Variants in ENO4 observed in about 807,000 individuals in gnomAD.
ENO4 encodes enolase 4.
A neutral mutation model predicts 63.2 loss-of-function variants in ENO4; 53 were observed. The observed-to-expected ratio is 0.84, with a 90% CI of 0.67 to 1.05. ENO4 has a LOEUF of 1.05. Among genes scored for constraint, ENO4 ranks in the 50% least tolerant of loss-of-function variants. The pLI, the probability that ENO4 is intolerant of heterozygous loss-of-function variation, is 0.00. For missense variants in ENO4, 719 were observed against 772.0 expected, an observed-to-expected ratio of 0.93 and a Z score of 0.81; for synonymous variants, 266 against 283.8, an observed-to-expected ratio of 0.94 and a Z score of 0.63.
At chr10:116,892,162 G>A (rs1028736142) in intron 10 of ENO4, among the ~76,000 whole-genome samples, 5 of 152,094 alleles carry the variant, frequency 3.3e-5, no homozygotes, top group Non-Finnish European at 5.9e-5. Context: ...CCCAGTACAC[G>A]GCTTACCTCC....
At chr10:116,912,136 T>C (rs140489702), downstream of ENO4, among the ~76,000 whole-genome samples, 14 of 152,314 alleles carry the variant, frequency 9.2e-5, no homozygotes, top group East Asian at 2.5e-3. Flanking sequence ...CAGAGAAGAT[T>C]TGGTAGACAT....
chr10:116,900,432 C>G, intron 10 of ENO4: 1 of 1,060,682 alleles, frequency 9.4e-7, no homozygotes, highest in Non-Finnish European at 1.4e-6. Context: ...GACCTTGGGC[C>G]TGCAATTATT....
intron 7 of ENO4, 87 bp downstream of exon 7, chr10:116,862,939 ATTGTGG>A: frequency 1.1e-6 from 1 of 917,808 alleles, no homozygotes; most frequent in Non-Finnish European, 1.7e-6. Context: ...ACTTAAATCA[ATTGTGG>A]TTGATATGGA....
intron 4 of ENO4, among the ~76,000 whole-genome samples, chr10:116,859,458 A>T (rs1846351347): frequency 6.6e-6 from 1 of 152,204 alleles, no homozygotes; most frequent in South Asian, 2.1e-4. Flanking sequence ...CAAAATTTCC[A>T]TTAGCTAATC....
intron 9 of ENO4, among the ~76,000 whole-genome samples, chr10:116,872,071 T>C (rs1846710906): frequency 6.6e-6 from 1 of 152,046 alleles, no homozygotes; most frequent in South Asian, 2.1e-4. Flanking sequence ...GTGGTGGGCT[T>C]CTGTAATCTC....
chr10:116,884,759 TA>T (rs1847114008), downstream of ENO4: 1 of 156,942 alleles, frequency 6.4e-6, no homozygotes, highest in African/African-American at 2.4e-5. Flanking sequence ...CTTGGGGAAC[TA>T]AACCAGAAAC....
chr10:116,911,440 T>A, intron 10 of ENO4: 1 of 1,543,354 alleles, frequency 6.5e-7, no homozygotes, highest in Non-Finnish European at 8.7e-7. Context: ...AGTAAAGCAT[T>A]ATTCATCTAT....
At chr10:116,862,408 C>T (rs550325576) in intron 6 of ENO4, among the ~76,000 whole-genome samples, 3 of 151,762 alleles carry the variant, frequency 2.0e-5, no homozygotes, top group South Asian at 2.1e-4. Context: ...TGCAGTAGGC[C>T]GAGATCATTG....
intron 1 of ENO4, chr10:116,850,141 A>G: frequency 3.6e-6 from 1 of 275,818 alleles, no homozygotes; most frequent in Non-Finnish European, 7.1e-6. Context: ...CTCTTTGATC[A>G]CAGGATGAAC....
chr10:116,849,850 C>T (rs887686688), intron 1 of ENO4, 119 bp downstream of exon 1: 1 of 1,194,504 alleles, frequency 8.4e-7, no homozygotes, highest in Non-Finnish European at 1.2e-6. Flanking sequence ...CGCCCGGGCC[C>T]TGGGCCTGCG....
Position 116,859,143 on chromosome 10 carries a change from G to A in ENO4, c.634+5G>A, listed in dbSNP as rs199571664. The A allele has an allele frequency of 1.0e-3, 1,543 of 1,527,540 alleles. 2 individuals carry two copies. Among genetic ancestry groups the A allele is most frequent in the Non-Finnish European group, 1.2e-3 (1,401 of 1,143,204 alleles). The allele number at this position is 1,527,540 out of a possible 1,614,324, so 94.6% of individuals were successfully genotyped here. A position where few individuals can be genotyped will look rare whatever the true frequency, so the allele number is the denominator to read the frequency against. On this transcript the variant is annotated splice_donor_5th_base_variant and intron_variant, in intron 4 of 13. Transcript: ENST00000341276. ...AAAAAAAGGGGCAAAAGCCAGGTTG[G>A]TTGGTGACTTATCTTGCAGAGTCGT...
At chr10:116,900,410 A>G in intron 10 of ENO4, 1 of 796,798 alleles carries the variant, frequency 1.3e-6, no homozygotes, top group Non-Finnish European at 2.0e-6. Flanking sequence ...TCAATTCAAC[A>G]CATATTTTGC....
intron 10 of ENO4, among the ~76,000 whole-genome samples, chr10:116,889,470 G>A (rs534782460): frequency 7.9e-5 from 12 of 152,316 alleles, no homozygotes; most frequent in African/African-American, 2.4e-4. Context: ...TGGAGGGAGA[G>A]TGACTGGTTT....
intron 12 of ENO4, 100 bp downstream of exon 12, chr10:116,879,458 T>C: frequency 2.3e-6 from 2 of 880,284 alleles, no homozygotes; most frequent in Non-Finnish European, 3.5e-6. Flanking sequence ...TGTAACCTTT[T>C]ATGAAATAGA....
intron 3 of ENO4, among the ~76,000 whole-genome samples, 181 bp downstream of exon 3, chr10:116,856,863 C>T (rs1303488725): frequency 6.6e-6 from 1 of 152,064 alleles, no homozygotes; most frequent in Admixed American, 6.6e-5. Context: ...GTGGTGGGCG[C>T]CTGTAGTCCC....
intron 7 of ENO4, among the ~76,000 whole-genome samples, chr10:116,865,418 C>T (rs1272950490): frequency 6.6e-6 from 1 of 152,102 alleles, no homozygotes; most frequent in African/African-American, 2.4e-5. Flanking sequence ...AACTCCTGAC[C>T]TTGTGATCCG....
Position 116,881,647 on chromosome 10 carries a change from A to G in ENO4, c.1856A>G (p.Glu619Gly). The G allele has an allele frequency of 6.5e-7, 1 of 1,547,130 alleles. No homozygotes were observed. Among genetic ancestry groups the G allele is most frequent in the Non-Finnish European group, 8.7e-7 (1 of 1,145,452 alleles). ...FPTQGVEESA[E>G]TGASSG ...ACACAAGGTGTAGAGGAATCAGCCG[A>G]AACAGGAGCATCCTCTGGATAGGGC... is the stretch of plus-strand genomic sequence containing the variant. The change falls in exon 14 of 14, where the codon GAA becomes GGA. Residue 619 changes from glutamate (E) to glycine (G), a missense_variant. Physicochemically the swap from Glu to Gly is moderately conservative, Grantham distance 98. Transcript: ENST00000341276.
intron 12 of ENO4, 110 bp from the exon 13 acceptor site, chr10:116,879,759 G>GA: frequency 2.3e-6 from 2 of 857,212 alleles, no homozygotes; most frequent in Non-Finnish European, 3.6e-6. Context: ...ACTAGTAAGA[G>GA]AAAATCCCAA....
chr10:116,879,318 G>A lies in ENO4; in HGVS notation c.1565G>A (p.Ser522Asn). 4 of 1,550,688 alleles carry A rather than the reference G, an allele frequency of 2.6e-6. No homozygotes were observed. Among genetic ancestry groups the A allele is most frequent in the Non-Finnish European group, 3.5e-6 (4 of 1,146,896 alleles). Residue 522 changes from serine to asparagine, a missense_variant, in exon 12 of 14, where the codon AGT becomes AAT. Transcript: ENST00000341276. ...DSKKHITVFGSTEGESSDDSL... is the reference protein window; with the variant it reads ...DSKKHITVFGNTEGESSDDSL... ...AAGAAGCACATCACTGTCTTTGGAA[G>A]TACAGAAGGAGAATCATCTGATGAC...
Sources: allele counts gnomAD v4.1 joint callset (sites outside exome capture counted in the v4.1 genomes callset), GRCh38; gene constraint gnomAD v4.1.1; transcripts MANE v1.5; gene names NCBI Gene and HGNC (gene_info 2026-07-23, HGNC 2026-07-21).